Variants in OPCML observed in about 807,000 individuals in gnomAD.
OPCML encodes opioid-binding protein/cell adhesion molecule.
OPCML carries 13 observed loss-of-function variants against 37.8 expected under a neutral mutation model. The observed-to-expected ratio is 0.34, with a 90% CI of 0.22 to 0.55. The LOEUF (loss-of-function observed/expected upper bound fraction) is 0.55. Ranked by LOEUF, OPCML falls within the 20% of genes least tolerant of loss-of-function variation. The pLI, the probability that OPCML is intolerant of heterozygous loss-of-function variation, is 0.91. For missense variants in OPCML, 341 were observed against 435.6 expected (o/e 0.78, Z 1.93); for synonymous variants, 176 against 168.8 (o/e 1.04, Z -0.33).
At chr11:133,096,420 T>C (rs1486210724) in intron 1 of OPCML, among the ~76,000 whole-genome samples, 1 of 151,624 alleles carries the variant, frequency 6.6e-6, no homozygotes, top group African/African-American at 2.4e-5. Context: ...TTATGTAAAA[T>C]GCTGAATTAA....
At chr11:132,519,693 G>T (rs1371515066) in intron 4 of OPCML, among the ~76,000 whole-genome samples, 1 of 152,106 alleles carries the variant, frequency 6.6e-6, no homozygotes, top group Non-Finnish European at 1.5e-5. Context: ...TTGCAAAAAT[G>T]TGAGAGGAAC....
At chr11:132,623,885 A>G (rs182587530) in intron 3 of OPCML, among the ~76,000 whole-genome samples, 217 of 152,344 alleles carry the variant, frequency 1.4e-3, no homozygotes, top group African/African-American at 4.9e-3. Context: ...ACTAGAAACA[A>G]GAGAAATTTG....
intron 1 of OPCML, among the ~76,000 whole-genome samples, chr11:133,239,872 C>T (rs1228283168): frequency 6.6e-6 from 1 of 152,064 alleles, no homozygotes; most frequent in Non-Finnish European, 1.5e-5. Flanking sequence ...GGTGTGTGTG[C>T]TCGCAAGCTT....
At chr11:133,151,205 G>A (rs575987851) in intron 1 of OPCML, among the ~76,000 whole-genome samples, 3 of 152,052 alleles carry the variant, frequency 2.0e-5, no homozygotes, top group South Asian at 2.1e-4. Context: ...CCCGGGAGGC[G>A]GAAGTTGCAG....
chr11:133,250,809 T>C (rs760032346), intron 1 of OPCML, among the ~76,000 whole-genome samples: 5 of 152,136 alleles, frequency 3.3e-5, no homozygotes, highest in African/African-American at 4.8e-5. Context: ...GAAAGAACTG[T>C]AGTTGATGGC....
chr11:132,800,179 G>C (rs1229123862), intron 2 of OPCML, among the ~76,000 whole-genome samples: 1 of 151,994 alleles, frequency 6.6e-6, no homozygotes, highest in Admixed American at 6.6e-5. Flanking sequence ...GTATGTAATT[G>C]TACATGAAAC....
At chr11:133,267,518 C>T (rs1349985083) in intron 1 of OPCML, among the ~76,000 whole-genome samples, 1 of 152,178 alleles carries the variant, frequency 6.6e-6, no homozygotes, top group East Asian at 1.9e-4. Flanking sequence ...CAGGCACTCA[C>T]TGAATATATT....
chr11:133,205,485 G>A lies in OPCML; in HGVS notation c.62-262475C>T, dbSNP rs1475010923. Among the ~76,000 whole-genome samples the A allele has an allele frequency of 6.6e-6, 1 of 152,192 alleles. No homozygotes were observed. The highest frequency in any genetic ancestry group is 1.5e-5 in the Non-Finnish European group (1 of 68,040). Reference sequence around the variant, plus strand: ...TCAGCAGCACTGGTCCCAACCCAGGGCTTGCACCTAGCACCTGAAGTGGGA... The same window carrying A: ...TCAGCAGCACTGGTCCCAACCCAGGACTTGCACCTAGCACCTGAAGTGGGA... On this transcript the variant is annotated intron_variant, in intron 1 of 7. Transcript: ENST00000524381. The surrounding 1 kb of genome is among the most constrained non-coding windows in gnomAD (Gnocchi z 4.8).
intron 4 of OPCML, among the ~76,000 whole-genome samples, chr11:132,446,266 T>G (rs1000508584): frequency 4.0e-5 from 6 of 150,970 alleles, no homozygotes; most frequent in Non-Finnish European, 7.4e-5. Flanking sequence ...TGTGGCACAT[T>G]CCCTTTAAAT....
intron 1 of OPCML, among the ~76,000 whole-genome samples, chr11:133,311,057 C>T (rs558337990): frequency 3.3e-5 from 5 of 152,266 alleles, no homozygotes; most frequent in African/African-American, 9.6e-5. Flanking sequence ...TACAAAGCTC[C>T]AACTCCTTAT....
intron 1 of OPCML, among the ~76,000 whole-genome samples, chr11:133,029,647 C>T (rs898981194): frequency 6.6e-6 from 1 of 152,158 alleles, no homozygotes; most frequent in Admixed American, 6.5e-5. Flanking sequence ...CATGTTCTCA[C>T]TTGTAAGTGA....
intron 1 of OPCML, among the ~76,000 whole-genome samples, chr11:133,186,239 C>T (rs1380190684): frequency 6.8e-6 from 1 of 146,892 alleles, no homozygotes; most frequent in African/African-American, 2.7e-5. Flanking sequence ...TGCCTGTAAG[C>T]TCCAAAAGAG....
chr11:133,272,888 G>A (rs1941891169), intron 1 of OPCML, among the ~76,000 whole-genome samples: 2 of 152,102 alleles, frequency 1.3e-5, no homozygotes, highest in South Asian at 4.1e-4. Flanking sequence ...GTCAGCAGGG[G>A]GCAGAAGAAA....
In OPCML at chr11:132,683,230, C is replaced by T. The variant is rs148593565; in HGVS notation, c.147-25911G>A. ...CCTGAGCAACACAGAGAGACTCTGT[C>T]GCTACATAAAAATTAAAAAATTAAT... On this transcript the variant is annotated intron_variant, in intron 2 of 7. Coordinates refer to ENST00000524381, the MANE Select transcript of OPCML (RefSeq NM_001012393.5). Among the ~76,000 whole-genome samples, 205 of 152,222 alleles carry T rather than the reference C, an allele frequency of 1.3e-3. 1 individual carries two copies. The highest frequency in any genetic ancestry group is 4.4e-3 in the African/African-American group (181 of 41,534).
intron 3 of OPCML, among the ~76,000 whole-genome samples, chr11:132,531,755 C>CA (rs1565642293): frequency 4.5e-5 from 4 of 88,958 alleles, no homozygotes; most frequent in East Asian, 5.4e-4. Flanking sequence ...ATGTTCTACC[C>CA]GTTTTTTTTT....
intron 1 of OPCML, among the ~76,000 whole-genome samples, chr11:133,150,528 G>A (rs554627277): frequency 6.6e-6 from 1 of 152,256 alleles, no homozygotes; most frequent in African/African-American, 2.4e-5. Context: ...TCCATGCACC[G>A]TATGCTGCCT....
chr11:132,680,155 C>G (rs973314114), intron 2 of OPCML, among the ~76,000 whole-genome samples: 2 of 152,074 alleles, frequency 1.3e-5, no homozygotes, highest in African/African-American at 2.4e-5. Flanking sequence ...GCTGAGTGGC[C>G]GTGATCAAGC....
At chr11:132,624,298 C>T (rs1939605740) in intron 3 of OPCML, among the ~76,000 whole-genome samples, 1 of 152,194 alleles carries the variant, frequency 6.6e-6, no homozygotes, top group Admixed American at 6.5e-5. Context: ...TCCCACCACA[C>T]CCTTACTGAA....
At position 132,943,223 on chromosome 11, in the gene OPCML, G is replaced by T; in HGVS notation, c.62-213C>A. ...AGAGTTCGCCAGGAGCAGGGGGAAG[G>T]AGAAGAGAGGAGTCCGGGCTCTCCG... On this transcript the variant is annotated intron_variant, in intron 1 of 7. Coordinates refer to ENST00000524381, the MANE Select transcript of OPCML (RefSeq NM_001012393.5). The surrounding 1 kb of genome is among the most constrained non-coding windows in gnomAD (Gnocchi z 4.3). 1 of 1,325,644 alleles carries T rather than the reference G, an allele frequency of 7.5e-7. No homozygotes were observed. The highest frequency in any genetic ancestry group is 1.0e-6 in the Non-Finnish European group (1 of 963,214). 82.1% of individuals were successfully genotyped at this position (1,325,644 alleles called of 1,614,324 possible).
Sources: gnomAD v4.1 joint callset for allele counts (sites outside exome capture counted in the v4.1 genomes callset) on GRCh38, gnomAD v4.1.1 for gene constraint, Gnocchi (gnomAD v3.1) non-coding constraint, MANE v1.5 for transcripts, NCBI Gene and HGNC (gene_info 2026-07-23, HGNC 2026-07-21) for gene names.